SIMC1: variants seen among roughly 807,000 people sequenced by gnomAD.
SIMC1 encodes SUMO interacting motifs containing 1.
SIMC1 carries 55 observed loss-of-function variants against 82.3 expected under a neutral mutation model. That is an observed-to-expected ratio of 0.67 (90% CI 0.54 to 0.84). The LOEUF (loss-of-function observed/expected upper bound fraction) is 0.84, where lower values mean the gene tolerates loss of function less well. Ranked by LOEUF, SIMC1 falls within the 40% of genes least tolerant of loss-of-function variation. The pLI is 0.00. For synonymous variants in SIMC1, 353 were observed against 426.3 expected (o/e 0.83, Z 2.12); for missense variants, 915 against 1,107.2 (o/e 0.83, Z 2.46).
intron 1 of SIMC1, among the ~76,000 whole-genome samples, chr5:176,272,657 G>A (rs557338955): frequency 2.2e-4 from 34 of 152,282 alleles, no homozygotes; most frequent in South Asian, 2.1e-3. Context: ...CCTGAGAAGC[G>A]CAAAGGGTCA....
chr5:176,306,032 T>TG (rs1491149010), intron 4 of SIMC1, among the ~76,000 whole-genome samples: 3 of 15,972 alleles, frequency 1.9e-4, no homozygotes, highest in African/African-American at 4.6e-4. Flanking sequence ...GGAGGGAGGT[T>TG]GGGGGGGGTC....
rs751103393 is a variant in SIMC1 at position 176,290,896 on chromosome 5, C to T, written c.1372C>T (p.Arg458Cys). The change falls in exon 2 of 10, where the codon CGT (arginine) becomes TGT (cysteine). Residue 458 changes from arginine to cysteine, a missense_variant. Physicochemically the swap from Arg to Cys is radical, Grantham distance 180. Around this residue, in one of 2 missense-constraint regions of SIMC1, gnomAD observed 902 missense variants for 1,040.3 expected, o/e 0.87. Transcript: ENST00000429602. ...CCTGCATAGACTGAAGTACTTCTTA[C>T]GTCCTCCGGTTCATCACCTCTTCTT... The part of the protein sequence containing the change: ...PCLHRLKYFL[R>C]PPVHHLFFQT... The T allele has an allele frequency of 1.9e-5, 30 of 1,611,886 alleles. No individual in the cohort carries two copies. The highest frequency in any genetic ancestry group is 2.3e-5 in the Non-Finnish European group (27 of 1,178,744).
Position 176,313,779 on chromosome 5 carries a change from G to A in SIMC1, c.1823G>A (p.Arg608Gln), listed in dbSNP as rs77758389. 644 of 1,613,970 alleles carry A rather than the reference G, an allele frequency of 4.0e-4. 1 individual carries two copies. In the East Asian group the frequency reaches 6.8e-3, roughly 17 times the overall value. ...DDFQQTLRRQ[R>Q]QHLQQSIANM... Reference sequence around the variant, plus strand: ...TTTCAGCAGACCCTGAGGAGGCAACGGCAGCACCTGCAGCAATCCATTGCA... The same window carrying A: ...TTTCAGCAGACCCTGAGGAGGCAACAGCAGCACCTGCAGCAATCCATTGCA... The change falls in exon 5 of 10, where the codon CGG becomes CAG. Residue 608 changes from arginine to glutamine, a missense_variant. Physicochemically the swap from Arg to Gln is conservative, Grantham distance 43. Transcript: ENST00000429602.
chr5:176,307,620 G>T (rs1764482524), intron 4 of SIMC1, among the ~76,000 whole-genome samples: 1 of 152,008 alleles, frequency 6.6e-6, no homozygotes, highest in Non-Finnish European at 1.5e-5. Flanking sequence ...CAGGATGGTC[G>T]TGATCTCCTG....
intron 9 of SIMC1, among the ~76,000 whole-genome samples, chr5:176,343,602 C>T (rs1444989093): frequency 6.6e-6 from 1 of 152,138 alleles, no homozygotes; most frequent in Non-Finnish European, 1.5e-5. Flanking sequence ...GATTTTGACA[C>T]ATTTGGTTTA....
intron 1 of SIMC1, among the ~76,000 whole-genome samples, chr5:176,269,657 T>C (rs553341358): frequency 1.3e-5 from 2 of 152,358 alleles, no homozygotes; most frequent in South Asian, 4.1e-4. Flanking sequence ...GTTTCTCAAG[T>C]TATTTTATTA....
At chr5:176,321,688 C>T (rs928711828) in intron 5 of SIMC1, among the ~76,000 whole-genome samples, 1 of 152,066 alleles carries the variant, frequency 6.6e-6, no homozygotes, top group Non-Finnish European at 1.5e-5. Context: ...TTCCACTGCA[C>T]ACACTCTAAA....
intron 9 of SIMC1, among the ~76,000 whole-genome samples, chr5:176,340,353 C>T (rs967295818): frequency 2.6e-5 from 4 of 152,170 alleles, no homozygotes; most frequent in African/African-American, 9.7e-5. Context: ...AAGTTTCAGC[C>T]TCAGCAAAAT....
chr5:176,309,061 C>T (rs1351427926), intron 4 of SIMC1: 6 of 728,152 alleles, frequency 8.2e-6, no homozygotes, highest in African/African-American at 7.0e-5. Flanking sequence ...TGTAAAGTTA[C>T]TTAAGCTAAA....
chr5:176,309,070 A>G (rs1433959257), intron 4 of SIMC1: 4 of 715,068 alleles, frequency 5.6e-6, no homozygotes, highest in Non-Finnish European at 1.0e-5. Context: ...ACTTAAGCTA[A>G]ATCAATTTTG....
intron 1 of SIMC1, among the ~76,000 whole-genome samples, chr5:176,285,507 T>C (rs1389802170): frequency 2.0e-5 from 3 of 152,220 alleles, no homozygotes; most frequent in Non-Finnish European, 4.4e-5. Context: ...AAGAGCTGTT[T>C]ATGACAAACC....
intron 1 of SIMC1, among the ~76,000 whole-genome samples, chr5:176,246,451 GTT>G (rs1329478917): frequency 6.5e-3 from 807 of 123,862 alleles, no homozygotes; most frequent in East Asian, 0.014. Context: ...TGTGTGTGTT[GTT>G]TGTTTGTTTG....
At chr5:176,276,484 A>G (rs1762704403) in intron 1 of SIMC1, among the ~76,000 whole-genome samples, 1 of 149,610 alleles carries the variant, frequency 6.7e-6, no homozygotes, top group Non-Finnish European at 1.5e-5. Flanking sequence ...TTTAGGGTAC[A>G]TGTGCACATT....
At chr5:176,282,834 C>T (rs1763075894) in intron 1 of SIMC1, among the ~76,000 whole-genome samples, 1 of 152,156 alleles carries the variant, frequency 6.6e-6, no homozygotes, top group Non-Finnish European at 1.5e-5. Context: ...CTTAAATGAC[C>T]TGATGGAGCT....
At chr5:176,334,300 C>G (rs1306969499) in intron 7 of SIMC1, among the ~76,000 whole-genome samples, 1 of 152,150 alleles carries the variant, frequency 6.6e-6, no homozygotes, top group Non-Finnish European at 1.5e-5. Context: ...TTCTGGCAGG[C>G]AGTTAATTTG....
intron 7 of SIMC1, among the ~76,000 whole-genome samples, chr5:176,328,184 G>C (rs1765474406): frequency 6.6e-6 from 1 of 152,120 alleles, no homozygotes; most frequent in Non-Finnish European, 1.5e-5. Flanking sequence ...TTACAGGTGT[G>C]AGCCACCAGG....
intron 1 of SIMC1, among the ~76,000 whole-genome samples, chr5:176,283,453 C>A (rs1353796603): frequency 2.6e-5 from 4 of 152,264 alleles, no homozygotes; most frequent in Admixed American, 2.0e-4. Flanking sequence ...GAAATAAAAT[C>A]CTTTACAGAG....
intron 4 of SIMC1, among the ~76,000 whole-genome samples, chr5:176,305,975 A>G (rs1764350498): frequency 1.7e-5 from 1 of 58,672 alleles, no homozygotes; most frequent in Non-Finnish European, 3.5e-5. Flanking sequence ...CCCATCCGGG[A>G]GGGAGGTGGG....
intron 1 of SIMC1, among the ~76,000 whole-genome samples, chr5:176,247,078 T>C (rs1451128436): frequency 6.6e-6 from 1 of 152,170 alleles, no homozygotes; most frequent in Non-Finnish European, 1.5e-5. Flanking sequence ...TACATGTGCA[T>C]GTGTCTTTAT....
Sources: allele counts gnomAD v4.1 joint callset (sites outside exome capture counted in the v4.1 genomes callset), GRCh38; gene constraint gnomAD v4.1.1; regional missense constraint gnomAD v4.1.1; transcripts MANE v1.5; gene names NCBI Gene and HGNC (gene_info 2026-07-23, HGNC 2026-07-21).